The following FAM47E variants were observed in gnomAD, a reference collection of about 807,000 sequenced individuals.
FAM47E encodes the protein family with sequence similarity 47 member E, also known as protein FAM47E.
In FAM47E, 32 loss-of-function variants were observed where a neutral mutation model predicts 41.6. The ratio of observed to expected loss-of-function variants is 0.77; its 90% confidence interval spans 0.58 to 1.03. The LOEUF (loss-of-function observed/expected upper bound fraction) is 1.03. Among genes scored for constraint, FAM47E ranks in the 50% least tolerant of loss-of-function variants. FAM47E has a pLI of 0.00. For synonymous variants in FAM47E, 184 were observed against 188.7 expected (o/e 0.98, Z 0.20); for missense variants, 424 against 485.4 (o/e 0.87, Z 1.19).
intron 2 of FAM47E, among the ~76,000 whole-genome samples, chr4:76,227,618 T>G (rs1337616737): frequency 6.6e-6 from 1 of 152,238 alleles, no homozygotes; most frequent in Non-Finnish European, 1.5e-5. Context: ...ATGCAGTCAG[T>G]GGAGTATTGA....
rs4859649 is a variant in FAM47E, at chr4:76,253,849, G to T, written c.74+2029G>T. On this transcript the variant is annotated intron_variant, in intron 1 of 7. Transcript: ENST00000424749. The stretch of plus-strand genomic sequence containing the variant: ...AGGAAAGAAATGAGGAAAGTGGCTC[G>T]CGCCTGTAATCCCAACACTTTGGGA... Among the ~76,000 whole-genome samples the T allele has an allele frequency of 2.6e-5, 4 of 151,148 alleles. No individual in the cohort carries two copies. In the East Asian group the frequency reaches 7.8e-4, roughly 29 times the overall value.
intron 2 of FAM47E, among the ~76,000 whole-genome samples, chr4:76,228,486 A>C (rs1170791504): frequency 6.6e-6 from 1 of 151,180 alleles, no homozygotes; most frequent in Admixed American, 6.6e-5. Context: ...CTTAAAAAAA[A>C]AAAAAGAAAG....
chr4:76,231,385 C>T (rs769956361), intron 2 of FAM47E, among the ~76,000 whole-genome samples: 4 of 152,030 alleles, frequency 2.6e-5, no homozygotes, highest in African/African-American at 9.7e-5. Flanking sequence ...TGGAGACTGC[C>T]GGTTGGTTCA....
At chr4:76,278,465 A>G in intron 6 of FAM47E, 1 of 426,884 alleles carries the variant, frequency 2.3e-6, no homozygotes, top group Non-Finnish European at 4.1e-6. Flanking sequence ...ACAGCTACTC[A>G]TGCTATTCCA....
At chr4:76,248,553 C>G (rs1250767349), upstream of FAM47E, among the ~76,000 whole-genome samples, 2 of 152,116 alleles carry the variant, frequency 1.3e-5, no homozygotes, top group Non-Finnish European at 2.9e-5. Flanking sequence ...ACATTATATA[C>G]TCATTCAACA....
intron 3 of FAM47E, chr4:76,267,812 T>C (rs1329369088): frequency 1.3e-5 from 2 of 152,222 alleles, no homozygotes; most frequent in Non-Finnish European, 2.9e-5. Context: ...CATGGTTCCA[T>C]TCAGATGAAA....
chr4:76,255,861 G>C (rs972637615), intron 1 of FAM47E, among the ~76,000 whole-genome samples: 7 of 152,164 alleles, frequency 4.6e-5, no homozygotes. Context: ...GAATTTCAAG[G>C]ATGTGTACAA....
chr4:76,263,905 C>A, intron 3 of FAM47E, 62 bp downstream of exon 3: 1 of 1,521,316 alleles, frequency 6.6e-7, no homozygotes, highest in Non-Finnish European at 8.8e-7. Context: ...CTAGGAATTA[C>A]CTTCTTAAAA....
intron 5 of FAM47E, among the ~76,000 whole-genome samples, chr4:76,277,468 C>T (rs1248939414): frequency 2.7e-5 from 4 of 148,290 alleles, no homozygotes; most frequent in African/African-American, 5.0e-5. Context: ...CCAGCCTGGG[C>T]GACAGAGCGA....
chr4:76,222,394 T>G (rs1198523897), intron 2 of FAM47E, among the ~76,000 whole-genome samples: 1 of 152,150 alleles, frequency 6.6e-6, no homozygotes, highest in Non-Finnish European at 1.5e-5. Flanking sequence ...GCCCAGCTAA[T>G]TTTTGTATTT....
chr4:76,262,147 A>C (rs7695720), intron 2 of FAM47E, among the ~76,000 whole-genome samples: 34,939 of 152,078 alleles, frequency 0.23, 4,256 homozygotes, highest in Middle Eastern at 0.3. Flanking sequence ...AAGAGGGGAA[A>C]ATGTAATAGG....
chr4:76,261,493 T>C (rs1314490495), intron 2 of FAM47E, among the ~76,000 whole-genome samples: 3 of 152,074 alleles, frequency 2.0e-5, no homozygotes, highest in Non-Finnish European at 4.4e-5. Context: ...TGTGCAGCCA[T>C]AAAAAGAATG....
chr4:76,269,460 T>C (rs895042323), intron 4 of FAM47E: 3 of 151,932 alleles, frequency 2.0e-5, no homozygotes, highest in African/African-American at 7.3e-5. Context: ...ACTAAAAATA[T>C]TTAAAAATTA....
intron 5 of FAM47E, among the ~76,000 whole-genome samples, chr4:76,277,234 T>C (rs750649407): frequency 1.2e-4 from 19 of 152,086 alleles, no homozygotes; most frequent in Non-Finnish European, 2.4e-4. Flanking sequence ...CCTGTAATCT[T>C]AGCACTTTGG....
intron 2 of FAM47E, chr4:76,236,467 G>A (rs1733588125): frequency 6.6e-6 from 1 of 152,158 alleles, no homozygotes; most frequent in Admixed American, 6.5e-5. Context: ...AATATTTGAA[G>A]AGATTTATTC....
intron 2 of FAM47E, among the ~76,000 whole-genome samples, chr4:76,240,218 C>A (rs1039412725): frequency 3.3e-5 from 5 of 152,168 alleles, no homozygotes; most frequent in African/African-American, 1.2e-4. Context: ...CACTTTATAT[C>A]AGCCTACTGC....
intron 2 of FAM47E, among the ~76,000 whole-genome samples, chr4:76,235,774 T>C (rs1175971171): frequency 1.3e-5 from 2 of 152,248 alleles, no homozygotes; most frequent in Non-Finnish European, 2.9e-5. Context: ...AGAAATCCTC[T>C]GCATTGTAAC....
intron 2 of FAM47E, among the ~76,000 whole-genome samples, chr4:76,235,322 A>C (rs543221774): frequency 1.3e-5 from 2 of 152,176 alleles, no homozygotes; most frequent in Non-Finnish European, 2.9e-5. Flanking sequence ...CGTCTCAAAA[A>C]ATAAATAAAT....
exon 2 of FAM47E, chr4:76,217,605 C>G (rs1438950369): frequency 1.2e-5 from 7 of 575,688 alleles, no homozygotes; most frequent in Non-Finnish European, 1.9e-5. Context: ...AGGCCCTCAT[C>G]CAATGCAGAT....
Sources: gnomAD v4.1 joint callset for allele counts (sites outside exome capture counted in the v4.1 genomes callset) on GRCh38, gnomAD v4.1.1 for gene constraint, MANE v1.5 for transcripts, NCBI Gene and HGNC (gene_info 2026-07-23, HGNC 2026-07-21) for gene names.